The following GARNL3 variants were observed in gnomAD, a reference collection of about 807,000 sequenced individuals.
GARNL3 encodes GTPase-activating Rap/Ran-GAP domain-like protein 3.
GARNL3 carries 63 observed loss-of-function variants against 125.0 expected under a neutral mutation model. That is an observed-to-expected ratio of 0.50 (90% CI 0.41 to 0.62). The LOEUF (loss-of-function observed/expected upper bound fraction) is 0.62, where lower values mean the gene tolerates loss of function less well. GARNL3 is among the 20% of genes least tolerant of loss of function. The pLI, the probability that GARNL3 is intolerant of heterozygous loss-of-function variation, is 0.00. For missense variants in GARNL3, 994 were observed against 1,244.0 expected, an observed-to-expected ratio of 0.80 and a Z score of 3.02; for synonymous variants, 439 against 457.5, an observed-to-expected ratio of 0.96 and a Z score of 0.52.
Position 127,353,571 on chromosome 9 carries a change from A to G in GARNL3, c.1544-275A>G, listed in dbSNP as rs12115358. On this transcript the variant is annotated intron_variant, in intron 17 of 27. Coordinates refer to ENST00000373387, the MANE Select transcript of GARNL3 (RefSeq NM_032293.5). ...AGAGATGTTGCTTTTTCTTTGATGAACAAAAATAGCGTTTTCATGCCTCTG... is the reference window on the plus strand; with the variant it reads ...AGAGATGTTGCTTTTTCTTTGATGAGCAAAAATAGCGTTTTCATGCCTCTG... 955 of 307,062 alleles carry G rather than the reference A, an allele frequency of 3.1e-3. 2 individuals are homozygous for G. Among genetic ancestry groups the G allele is most frequent in the African/African-American group, 0.02 (894 of 44,870 alleles). The allele number at this position is 307,062 out of a possible 1,614,324, so 19.0% of individuals were successfully genotyped here.
At chr9:127,296,464 CTTTTTTTTTTT>C (rs777082855) in intron 2 of GARNL3, among the ~76,000 whole-genome samples, 1 of 87,106 alleles carries the variant, frequency 1.1e-5, no homozygotes, top group Non-Finnish European at 2.2e-5. Context: ...GTAGGCATGA[CTTTTTTTTTTT>C]TTTTTTTTTT....
rs1372837614 is a variant in GARNL3 at position 127,264,817 on chromosome 9, G to C, written c.-61G>C. 7.2e-7 allele frequency: 1 copy of C among 1,394,088 alleles called. No homozygotes were observed. Among genetic ancestry groups the C allele is most frequent in the South Asian group, 1.9e-5 (1 of 52,384 alleles). 86.4% of individuals were successfully genotyped at this position (1,394,088 alleles called of 1,614,324 possible). A position where few individuals can be genotyped will look rare whatever the true frequency, so the allele number is the denominator to read the frequency against. ...TGGGGACTGTGTCTGTTGCAAGGAGGCTCCCCTGCAGTGAGGAGCCGGGGC... is the reference window on the plus strand; with the variant it reads ...TGGGGACTGTGTCTGTTGCAAGGAGCCTCCCCTGCAGTGAGGAGCCGGGGC... On this transcript the variant is annotated 5_prime_UTR_variant, in exon 1 of 28. Transcript: ENST00000373387.
intron 2 of GARNL3, among the ~76,000 whole-genome samples, chr9:127,296,444 G>T (rs1299175734): frequency 1.4e-5 from 2 of 145,788 alleles, no homozygotes; most frequent in Non-Finnish European, 3.0e-5. Flanking sequence ...TTATATAGAG[G>T]TTTCATCAGG....
chr9:127,230,595 G>A (rs1266653707), intron 1 of GARNL3, among the ~76,000 whole-genome samples: 3 of 151,488 alleles, frequency 2.0e-5, no homozygotes, highest in Non-Finnish European at 4.4e-5. Context: ...AGAGGTTGCG[G>A]TGAGCCAAGA....
At chr9:127,299,648 G>A (rs1419103249) in intron 2 of GARNL3, among the ~76,000 whole-genome samples, 1 of 152,020 alleles carries the variant, frequency 6.6e-6, no homozygotes, top group Admixed American at 6.6e-5. Flanking sequence ...TCAGCTCACT[G>A]CAAGCTCCGC....
At chr9:127,225,845 G>A (rs1285145250) in intron 1 of GARNL3, among the ~76,000 whole-genome samples, 1 of 78,842 alleles carries the variant, frequency 1.3e-5, no homozygotes, top group African/African-American at 4.7e-5. Context: ...CGCCCCTTGC[G>A]CCCCTCTCCC....
chr9:127,264,252 T>C (rs1461419514), upstream of GARNL3: 1 of 309,490 alleles, frequency 3.2e-6, no homozygotes, highest in Non-Finnish European at 5.8e-6. Flanking sequence ...GATGAAAACG[T>C]AGTAACAATT....
intron 21 of GARNL3, among the ~76,000 whole-genome samples, chr9:127,360,602 G>A (rs935989286): frequency 4.6e-5 from 7 of 152,236 alleles, no homozygotes; most frequent in African/African-American, 1.7e-4. Flanking sequence ...AACAGGACTA[G>A]CTTTTTACCA....
At chr9:127,296,535 G>T (rs1006820587) in intron 2 of GARNL3, among the ~76,000 whole-genome samples, 2 of 145,664 alleles carry the variant, frequency 1.4e-5, no homozygotes, top group African/African-American at 5.1e-5. Context: ...GCAATGGCGC[G>T]ATCTTGGCTC....
chr9:127,319,276 A>G (rs2065327359), intron 5 of GARNL3, among the ~76,000 whole-genome samples: 1 of 152,154 alleles, frequency 6.6e-6, no homozygotes, highest in African/African-American at 2.4e-5. Context: ...TGAGGTCAGG[A>G]GTTCGAGACC....
intron 1 of GARNL3, among the ~76,000 whole-genome samples, chr9:127,283,976 T>G (rs1489193882): frequency 6.6e-6 from 1 of 152,232 alleles, no homozygotes; most frequent in African/African-American, 2.4e-5. Context: ...GTTAATACCC[T>G]TTTCCTAAAC....
Position 127,345,393 on chromosome 9 carries a change from G to A in GARNL3, c.1357-10G>A, listed in dbSNP as rs1305532099. 9 of 1,584,048 alleles carry A rather than the reference G, an allele frequency of 5.7e-6. No homozygotes were observed. Among genetic ancestry groups the A allele is most frequent in the Admixed American group, 1.8e-5 (1 of 56,890 alleles). On this transcript the variant is annotated splice_polypyrimidine_tract_variant and intron_variant, in intron 15 of 27. Transcript: ENST00000373387. ...CTAGTAAACTTTAATAGAGATCTCT[G>A]TTCTGTAAGGCACTAAAACTGAAAT... is the stretch of plus-strand genomic sequence containing the variant.
intron 22 of GARNL3, among the ~76,000 whole-genome samples, chr9:127,374,657 T>G (rs1831793584): frequency 6.6e-6 from 1 of 151,852 alleles, no homozygotes; most frequent in East Asian, 1.9e-4. Context: ...GATAAGAAAA[T>G]AACCCAGTTA....
At chr9:127,229,705 C>T (rs1457588250) in intron 1 of GARNL3, among the ~76,000 whole-genome samples, 4 of 152,176 alleles carry the variant, frequency 2.6e-5, no homozygotes, top group Non-Finnish European at 5.9e-5. Flanking sequence ...CTTTGTTTCC[C>T]AGGCTGATCT....
intron 25 of GARNL3, 97 bp from the exon 26 acceptor site, chr9:127,388,807 T>C (rs1832681921): frequency 3.9e-6 from 3 of 775,302 alleles, no homozygotes; most frequent in Non-Finnish European, 6.7e-6. Flanking sequence ...ACATAACGTC[T>C]TCCTTCATGC....
At chr9:127,359,306 A>G (rs1036324616) in intron 21 of GARNL3, among the ~76,000 whole-genome samples, 1 of 152,204 alleles carries the variant, frequency 6.6e-6, no homozygotes, top group Admixed American at 6.5e-5. Flanking sequence ...CCTGGCCAAC[A>G]TGGCGAAACC....
At chr9:127,287,804 T>C (rs1477901608) in intron 1 of GARNL3, among the ~76,000 whole-genome samples, 2 of 152,236 alleles carry the variant, frequency 1.3e-5, no homozygotes, top group African/African-American at 4.8e-5. Flanking sequence ...CTGTGGTGCT[T>C]CCGGTTATCT....
rs767015617 is a variant in GARNL3 at position 127,354,317 on chromosome 9, T to G, written c.1666T>G (p.Phe556Val). 1 of 1,613,766 alleles carries G rather than the reference T, an allele frequency of 6.2e-7. No individual in the cohort carries two copies. Among genetic ancestry groups the G allele is most frequent in the South Asian group, 1.1e-5 (1 of 91,016 alleles). The part of the protein sequence containing the change: ...DKGKDARLFV[F>V]RLSALQKGLE... Reference sequence around the variant, plus strand: ...AGGAAAAGATGCTCGCCTCTTTGTCTTCAGGCTAAGTGCTCTGCAAAAGGG... The same window carrying G: ...AGGAAAAGATGCTCGCCTCTTTGTCGTCAGGCTAAGTGCTCTGCAAAAGGG... The change falls in exon 19 of 28, where the codon TTC becomes GTC. Residue 556 changes from phenylalanine to valine, a missense_variant. By Grantham distance (50) the Phe-to-Val change is conservative (BLOSUM62 -1). Coordinates refer to ENST00000373387, the MANE Select transcript of GARNL3 (RefSeq NM_032293.5).
intron 1 of GARNL3, among the ~76,000 whole-genome samples, chr9:127,267,395 G>A (rs774542893): frequency 1.3e-5 from 2 of 152,044 alleles, no homozygotes; most frequent in African/African-American, 2.4e-5. Flanking sequence ...ATGAAATTAT[G>A]TATTTAATTT....
Sources: allele counts gnomAD v4.1 joint callset (sites outside exome capture counted in the v4.1 genomes callset), GRCh38; gene constraint gnomAD v4.1.1; transcripts MANE v1.5; gene names NCBI Gene and HGNC (gene_info 2026-07-23, HGNC 2026-07-21).